Variants in FER1L6 observed in about 807,000 individuals in gnomAD.
FER1L6 encodes the protein fer-1 like family member 6.
A neutral mutation model predicts 219.2 loss-of-function variants in FER1L6; 177 were observed. The observed-to-expected ratio is 0.81, with a 90% CI of 0.71 to 0.91. The LOEUF is 0.91. FER1L6 is among the 40% of genes least tolerant of loss of function. The probability of loss-of-function intolerance (pLI) is 0.00; values close to 1 mark genes in which losing one functional copy is unlikely to be tolerated. For missense variants in FER1L6, 2,153 were observed against 2,259.9 expected (o/e 0.95, Z 0.96); for synonymous variants, 768 against 824.3 (o/e 0.93, Z 1.17).
rs565667358 is a variant in FER1L6, at chr8:124,106,812, T to G, written c.5289+3503T>G. Among the ~76,000 whole-genome samples the G allele has an allele frequency of 8.5e-5, 13 of 152,308 alleles. No individual in the cohort carries two copies. The East Asian group carries it at 2.5e-3, about 29-fold the overall frequency. On this transcript the variant is annotated intron_variant, in intron 39 of 40. Coordinates refer to ENST00000522917, the MANE Select transcript of FER1L6 (RefSeq NM_001039112.2). ...AATTTGAGTCCAAAAAGTATGTTTT[T>G]GCTTTCTGTTCCCTTTCCTAATTTT...
chr8:124,020,512 G>A (rs1215486895), intron 16 of FER1L6, among the ~76,000 whole-genome samples: 1 of 152,180 alleles, frequency 6.6e-6, no homozygotes, highest in African/African-American at 2.4e-5. Context: ...ATAAATGTGA[G>A]CTGAACAAAT....
In FER1L6 at chr8:123,966,053, A is replaced by C; in HGVS notation, c.244A>C (p.Asn82His). 4 of 1,613,754 alleles carry C rather than the reference A, an allele frequency of 2.5e-6. No homozygotes were observed. The highest frequency in any genetic ancestry group is 3.4e-6 in the Non-Finnish European group (4 of 1,179,832). The change falls in exon 4 of 41, where the codon AAT becomes CAT. Residue 82 changes from asparagine (N) to histidine (H), a missense_variant. Transcript: ENST00000522917. Reference protein sequence around the residue: ...KIHDGEVRSQNYQIAITITEA... With the variant: ...KIHDGEVRSQHYQIAITITEA... ...CCATGATGGGGAGGTCAGATCCCAA[A>C]ATTATCAAGTAAGTGATTGGCTCTT...
chr8:124,104,528 A>T (rs1418459332), intron 39 of FER1L6, among the ~76,000 whole-genome samples: 1 of 152,208 alleles, frequency 6.6e-6, no homozygotes, highest in Non-Finnish European at 1.5e-5. Context: ...AAGAGAAGAT[A>T]TCTATTCCAA....
rs555868554 is a variant in FER1L6 at position 123,968,057 on chromosome 8, A to G, written c.384+1767A>G. ...AATCAACAGAAAATACCCAAATCCCATTGGAGCTAATGACTCCTTTCCTCT... is the reference window on the plus strand; with the variant it reads ...AATCAACAGAAAATACCCAAATCCCGTTGGAGCTAATGACTCCTTTCCTCT... On this transcript the variant is annotated intron_variant, in intron 5 of 40. Transcript: ENST00000522917. 2.8e-4 allele frequency among the ~76,000 whole-genome samples: 43 copies of G among 152,250 alleles called. No individual in the cohort carries two copies. The South Asian group carries it at 8.5e-3, about 30-fold the overall frequency.
chr8:124,034,158 AAAAG>A (rs1819098580), intron 18 of FER1L6, among the ~76,000 whole-genome samples: 1 of 151,968 alleles, frequency 6.6e-6, no homozygotes, highest in Non-Finnish European at 1.5e-5. Flanking sequence ...TTAAAAAAAA[AAAAG>A]AAGAAGAAGA....
Position 124,119,679 on chromosome 8 carries a change from C to CA in FER1L6, c.5468dup (p.Tyr1824ValfsTer108). The CA allele has an allele frequency of 6.2e-7, 1 of 1,613,408 alleles. No homozygotes were observed. Among genetic ancestry groups the CA allele is most frequent in the South Asian group, 1.1e-5 (1 of 91,072 alleles). On this transcript the variant is annotated frameshift_variant, in exon 41 of 41. Coordinates refer to ENST00000522917, the MANE Select transcript of FER1L6 (RefSeq NM_001039112.2). LOFTEE classifies it high-confidence loss of function. ...TGTACTACCTCATCTGGAAGAATTA[C>CA]AAAAAGTACATCATCATTGCTTTCA...
chr8:124,010,063 ATGT>A (rs1273827728), intron 13 of FER1L6, among the ~76,000 whole-genome samples: 1 of 149,042 alleles, frequency 6.7e-6, no homozygotes, highest in Non-Finnish European at 1.5e-5. Flanking sequence ...GGCAGCAGCA[ATGT>A]TGTTGTAATT....
chr8:124,110,741 T>C (rs1272456832), intron 39 of FER1L6, among the ~76,000 whole-genome samples: 1 of 152,134 alleles, frequency 6.6e-6, no homozygotes, highest in Admixed American at 6.5e-5. Context: ...TTGTCACACA[T>C]TGTTCTAGAT....
chr8:123,853,583 C>A lies in FER1L6; in HGVS notation c.-8+1398C>A, dbSNP rs1441870436. ...TTTTTTCCTGGGGTATTGTATTAAT[C>A]AGGGGAGATTTTACAAGGGTGGATG... is the stretch of plus-strand genomic sequence containing the variant. On this transcript the variant is annotated intron_variant, in intron 1 of 40. Transcript: ENST00000522917. The surrounding 1 kb of genome is among the most constrained non-coding windows in gnomAD (Gnocchi z 6.6). 6.6e-6 allele frequency among the ~76,000 whole-genome samples: 1 copy of A among 152,074 alleles called. No individual in the cohort carries two copies. The highest frequency in any genetic ancestry group is 2.4e-5 in the African/African-American group (1 of 41,408).
At position 123,905,548 on chromosome 8, in the gene FER1L6, A is replaced by G. The variant is rs565977873; in HGVS notation, c.-7-50444A>G. On this transcript the variant is annotated intron_variant, in intron 1 of 40. Transcript: ENST00000522917. ...TAGTCTCAGCCCCACTTTTTGTAGC[A>G]GAAGAATACAGGACCTAAAGGAATG... 3.9e-5 allele frequency among the ~76,000 whole-genome samples: 6 copies of G among 152,298 alleles called. No homozygotes were observed. In the South Asian group the frequency reaches 1.2e-3, roughly 32 times the overall value.
intron 20 of FER1L6, among the ~76,000 whole-genome samples, chr8:124,045,566 C>T (rs141032918): frequency 3.0e-4 from 45 of 152,200 alleles, no homozygotes; most frequent in African/African-American, 9.9e-4. Context: ...CGCTTCTCCA[C>T]GGTTGGGAGT....
At chr8:124,115,507 T>C (rs955270581) in intron 39 of FER1L6, among the ~76,000 whole-genome samples, 1 of 152,130 alleles carries the variant, frequency 6.6e-6, no homozygotes, top group African/African-American at 2.4e-5. Flanking sequence ...ACAGAAGTAA[T>C]TTAATATTCT....
At chr8:124,015,436 C>G (rs1310027354) in intron 15 of FER1L6, among the ~76,000 whole-genome samples, 1 of 151,576 alleles carries the variant, frequency 6.6e-6, no homozygotes, top group Non-Finnish European at 1.5e-5. Flanking sequence ...TGATGAGAGG[C>G]AGGGAGTAGC....
At position 123,959,326 on chromosome 8, in the gene FER1L6, C is replaced by T. The variant is rs548334368; in HGVS notation, c.76+3252C>T. 1.4e-4 allele frequency among the ~76,000 whole-genome samples: 22 copies of T among 152,264 alleles called. No homozygotes were observed. The South Asian group carries it at 4.1e-3, about 29-fold the overall frequency. On this transcript the variant is annotated intron_variant, in intron 2 of 40. Transcript: ENST00000522917. ...CTAGCACCTTTTCTTGCATATATAA[C>T]GTGTCTTTGAACGTTCACTGGAAGC...
At chr8:124,082,236 C>G (rs1364623447) in intron 32 of FER1L6, 52 bp from the exon 33 acceptor site, 2 of 1,489,664 alleles carry the variant, frequency 1.3e-6, no homozygotes, top group Admixed American at 1.8e-5. Flanking sequence ...GGGAATGGTT[C>G]CCTGTGTCAC....
Position 123,869,546 on chromosome 8 carries a change from T to C in FER1L6, c.-8+17361T>C, listed in dbSNP as rs528944741. 2.0e-5 allele frequency among the ~76,000 whole-genome samples: 3 copies of C among 152,308 alleles called. No homozygotes were observed. The East Asian group carries it at 5.8e-4, about 29-fold the overall frequency. On this transcript the variant is annotated intron_variant, in intron 1 of 40. Transcript: ENST00000522917. ...AGCTCAAGCTAAAGATATGAAAGAA[T>C]CTAAAATTTAAATAAAGGAAGAGAT...
intron 9 of FER1L6, among the ~76,000 whole-genome samples, chr8:123,976,887 A>G (rs1816098291): frequency 6.6e-6 from 1 of 152,152 alleles, no homozygotes; most frequent in Non-Finnish European, 1.5e-5. Context: ...TCAGAGATTA[A>G]CCCTGGTTGG....
At chr8:124,047,413 C>G (rs914855869) in intron 21 of FER1L6, 1 of 152,222 alleles carries the variant, frequency 6.6e-6, no homozygotes, top group Admixed American at 6.5e-5. Context: ...GACTGGTATA[C>G]AAGTGCCCAA....
chr8:124,026,438 G>A (rs1818709816), intron 18 of FER1L6, among the ~76,000 whole-genome samples: 1 of 152,162 alleles, frequency 6.6e-6, no homozygotes, highest in Admixed American at 6.5e-5. Flanking sequence ...TAGCTGAGGA[G>A]ATTTGACAGC....
Sources: gnomAD v4.1 joint callset for allele counts (sites outside exome capture counted in the v4.1 genomes callset) on GRCh38, gnomAD v4.1.1 for gene constraint, Gnocchi (gnomAD v3.1) non-coding constraint, MANE v1.5 for transcripts, NCBI Gene and HGNC (gene_info 2026-07-23, HGNC 2026-07-21) for gene names.